CNIH3: variants seen among roughly 807,000 people sequenced by gnomAD.
CNIH3 encodes protein cornichon homolog 3.
A neutral mutation model predicts 24.1 loss-of-function variants in CNIH3; 14 were observed. That is an observed-to-expected ratio of 0.58 (90% CI 0.38 to 0.91). The LOEUF (loss-of-function observed/expected upper bound fraction) is 0.91. CNIH3 is among the 40% of genes least tolerant of loss of function. CNIH3 has a pLI of 0.00. For missense variants in CNIH3, 178 were observed against 196.8 expected, an observed-to-expected ratio of 0.90 and a Z score of 0.57; for synonymous variants, 68 against 73.8, an observed-to-expected ratio of 0.92 and a Z score of 0.40.
intron 1 of CNIH3, among the ~76,000 whole-genome samples, chr1:224,470,317 C>CTTT (rs1328534764): frequency 1.5e-5 from 2 of 134,332 alleles, no homozygotes; most frequent in African/African-American, 2.7e-5. Flanking sequence ...TGTGCCTGGC[C>CTTT]TTTTTTTTTT....
At chr1:224,529,187 A>G (rs899140514) in intron 2 of CNIH3, 22 of 152,262 alleles carry the variant, frequency 1.4e-4, no homozygotes, top group African/African-American at 5.1e-4. Flanking sequence ...AGTTCAGAGC[A>G]GCTGTTCAGC....
intron 1 of CNIH3, chr1:224,664,723 A>C (rs187765032): frequency 9.9e-5 from 15 of 152,210 alleles, no homozygotes; most frequent in African/African-American, 3.4e-4. Flanking sequence ...AGCTTCTGGG[A>C]AACTTATTTT....
At chr1:224,729,524 A>G (rs769618227) in intron 3 of CNIH3, among the ~76,000 whole-genome samples, 8 of 150,860 alleles carry the variant, frequency 5.3e-5, no homozygotes, top group Non-Finnish European at 1.2e-4. Context: ...TAAACAATAC[A>G]AAGTATATTT....
chr1:224,706,958 CTTTTTTTTTTTTTTTT>C (rs71170031), intron 3 of CNIH3, among the ~76,000 whole-genome samples: 1 of 82,124 alleles, frequency 1.2e-5, no homozygotes, highest in Non-Finnish European at 2.3e-5. Flanking sequence ...TCCTTTCTTT[CTTTTTTTTTTTTTTTT>C]TTTTTTTGAG....
At chr1:224,568,309 A>C (rs1269295418) in intron 4 of CNIH3, among the ~76,000 whole-genome samples, 2 of 147,888 alleles carry the variant, frequency 1.4e-5, no homozygotes, top group Non-Finnish European at 3.0e-5. Flanking sequence ...GCAAACAAAC[A>C]AAAAAAATTT....
intron 5 of CNIH3, among the ~76,000 whole-genome samples, chr1:224,738,963 A>G (rs1444771981): frequency 6.6e-6 from 1 of 152,148 alleles, no homozygotes; most frequent in Admixed American, 6.5e-5. Flanking sequence ...AGCACATGGC[A>G]GCTGGTGGCA....
intron 2 of CNIH3, among the ~76,000 whole-genome samples, chr1:224,533,736 A>G (rs1331525263): frequency 1.3e-5 from 2 of 152,134 alleles, no homozygotes; most frequent in African/African-American, 2.4e-5. Context: ...TCTTTTTATA[A>G]TGACACCTGT....
rs117373322 is a variant in CNIH3 at position 224,473,004 on chromosome 1, C to A, written n.203+38142C>A. 9.3e-4 allele frequency among the ~76,000 whole-genome samples: 141 copies of A among 152,216 alleles called. 2 individuals carry two copies. The East Asian group carries it at 0.022, about 24-fold the overall frequency. On this transcript the variant is annotated intron_variant and non_coding_transcript_variant, in intron 1 of 5. Transcript: ENST00000471578. ...TGAAATTACCCAGAGCTGCTTATCT[C>A]TCATTGGCAGGAGGGTTTGGCATCA...
At chr1:224,552,392 C>T (rs763301051) in intron 3 of CNIH3, among the ~76,000 whole-genome samples, 5 of 151,468 alleles carry the variant, frequency 3.3e-5, no homozygotes, top group Non-Finnish European at 7.4e-5. Flanking sequence ...AATATATCAT[C>T]TCCCTTAGAT....
chr1:224,583,011 G>T (rs1681342662), intron 4 of CNIH3, among the ~76,000 whole-genome samples: 1 of 152,086 alleles, frequency 6.6e-6, no homozygotes, highest in Non-Finnish European at 1.5e-5. Context: ...ATCTTCCTGG[G>T]GCATTAGTGG....
At chr1:224,471,369 C>A (rs570214517) in intron 1 of CNIH3, among the ~76,000 whole-genome samples, 1 of 152,012 alleles carries the variant, frequency 6.6e-6, no homozygotes, top group Non-Finnish European at 1.5e-5. Flanking sequence ...TTTTTTTGTA[C>A]CCATTAACCA....
At chr1:224,562,895 A>G (rs1680431424) in intron 3 of CNIH3, among the ~76,000 whole-genome samples, 1 of 152,176 alleles carries the variant, frequency 6.6e-6, no homozygotes, top group Non-Finnish European at 1.5e-5. Context: ...TCCTGATTAA[A>G]AGATAACACA....
chr1:224,504,934 G>C (rs1484147375), intron 1 of CNIH3, among the ~76,000 whole-genome samples: 2 of 151,052 alleles, frequency 1.3e-5, no homozygotes, highest in Admixed American at 6.6e-5. Flanking sequence ...ATGCCACTGA[G>C]TGTTTAATAT....
chr1:224,597,250 C>G (rs965499432), intron 3 of CNIH3, among the ~76,000 whole-genome samples: 4 of 152,126 alleles, frequency 2.6e-5, no homozygotes, highest in African/African-American at 9.7e-5. Context: ...CTTTCACCTG[C>G]TCCTTTTTTA....
chr1:224,663,538 C>T (rs1162339308), intron 1 of CNIH3, among the ~76,000 whole-genome samples: 1 of 152,094 alleles, frequency 6.6e-6, no homozygotes, highest in Non-Finnish European at 1.5e-5. Context: ...ACTGTTTGGA[C>T]CCACAAAACA....
rs776061539 is a variant in CNIH3, at chr1:224,734,609, C to A, written c.358C>A (p.Pro120Thr). The A allele has an allele frequency of 1.2e-6, 2 of 1,614,186 alleles. No individual in the cohort carries two copies. Among genetic ancestry groups the A allele is most frequent in the Non-Finnish European group, 1.7e-6 (2 of 1,180,024 alleles). Reference protein sequence around the residue: ...ADSSELAYDPPVVMNADTLSY... With the variant: ...ADSSELAYDPTVVMNADTLSY... ...TAGCTCAGAACTAGCCTACGACCCA[C>A]CGGTGGTCATGAATGCCGACACTTT... The change falls in exon 5 of 6, where the codon CCG (proline) becomes ACG (threonine). Residue 120 changes from proline (P) to threonine (T), a missense_variant. Pro to Thr is a conservative substitution (Grantham distance 38). Transcript: ENST00000272133.
At chr1:224,720,760 C>G (rs1227681334) in intron 3 of CNIH3, among the ~76,000 whole-genome samples, 1 of 152,112 alleles carries the variant, frequency 6.6e-6, no homozygotes, top group Non-Finnish European at 1.5e-5. Context: ...CTGGAAGTCT[C>G]CCAGGTTTAA....
chr1:224,585,397 C>T (rs886476584), intron 5 of CNIH3, among the ~76,000 whole-genome samples: 3 of 152,142 alleles, frequency 2.0e-5, no homozygotes, highest in South Asian at 2.1e-4. Flanking sequence ...CAAGGGACCA[C>T]ATGTGTGCTT....
chr1:224,642,517 G>A (rs1294941950), intron 1 of CNIH3, among the ~76,000 whole-genome samples: 3 of 152,084 alleles, frequency 2.0e-5, no homozygotes, highest in Admixed American at 6.5e-5. Flanking sequence ...GGTGTGAGCC[G>A]CTGTACCTGG....
Sources: gnomAD v4.1 joint callset for allele counts (sites outside exome capture counted in the v4.1 genomes callset) on GRCh38, gnomAD v4.1.1 for gene constraint, MANE v1.5 for transcripts, NCBI Gene and HGNC (gene_info 2026-07-23, HGNC 2026-07-21) for gene names.